CDH22: variants seen among roughly 807,000 people sequenced by gnomAD.
CDH22 encodes cadherin-22.
Under a neutral mutation model 58.4 loss-of-function variants are expected in CDH22, and 30 were observed. The observed-to-expected ratio is 0.51, with a 90% CI of 0.38 to 0.70. CDH22 has a LOEUF of 0.70. CDH22 is among the 30% of genes least tolerant of loss of function. CDH22 has a pLI of 0.00. For missense variants in CDH22, 1,014 were observed against 1,233.9 expected, an observed-to-expected ratio of 0.82 and a Z score of 2.67; for synonymous variants, 513 against 558.2, an observed-to-expected ratio of 0.92 and a Z score of 1.14.
intron 8 of CDH22, among the ~76,000 whole-genome samples, chr20:46,198,117 G>A (rs533458708): frequency 6.6e-6 from 1 of 152,242 alleles, no homozygotes; most frequent in Non-Finnish European, 1.5e-5. Flanking sequence ...TGGAGGCCAT[G>A]ACAGTGGCAG....
At chr20:46,245,293 C>G (rs887874183) in intron 2 of CDH22, among the ~76,000 whole-genome samples, 2 of 152,158 alleles carry the variant, frequency 1.3e-5, no homozygotes, top group Non-Finnish European at 2.9e-5. Context: ...CCAGGCAGCC[C>G]TCTCAGATGC....
intron 1 of CDH22, among the ~76,000 whole-genome samples, chr20:46,304,811 A>C (rs1245184118): frequency 6.6e-6 from 1 of 152,206 alleles, no homozygotes; most frequent in Non-Finnish European, 1.5e-5. Flanking sequence ...CCACCTTTGG[A>C]GTAATTAAAG....
At chr20:46,207,620 C>G (rs1435000327) in intron 7 of CDH22, among the ~76,000 whole-genome samples, 1 of 152,200 alleles carries the variant, frequency 6.6e-6, no homozygotes, top group East Asian at 1.9e-4. Context: ...CGTGGGCATT[C>G]TCGGCTTCAG....
At chr20:46,291,508 C>T (rs1404988882) in intron 1 of CDH22, among the ~76,000 whole-genome samples, 1 of 152,250 alleles carries the variant, frequency 6.6e-6, no homozygotes, top group Non-Finnish European at 1.5e-5. Flanking sequence ...CCCTGAGCGG[C>T]CCTGCTGGCT....
chr20:46,193,875 C>G (rs886978789), intron 8 of CDH22, among the ~76,000 whole-genome samples: 1 of 152,132 alleles, frequency 6.6e-6, no homozygotes, highest in African/African-American at 2.4e-5. Context: ...TCCTCTTGGC[C>G]AGGTGCTGGT....
intron 1 of CDH22, among the ~76,000 whole-genome samples, chr20:46,277,856 A>G (rs1178991610): frequency 6.6e-6 from 1 of 151,704 alleles, no homozygotes; most frequent in African/African-American, 2.4e-5. Context: ...AGACAACTTG[A>G]TAAGTTGGGC....
intron 1 of CDH22, among the ~76,000 whole-genome samples, chr20:46,303,465 C>G (rs1358454057): frequency 1.3e-5 from 2 of 152,244 alleles, no homozygotes; most frequent in Admixed American, 1.3e-4. Flanking sequence ...GGGATTCAGG[C>G]TGCTTGCTCA....
At chr20:46,234,920 G>A (rs1356753944) in intron 3 of CDH22, among the ~76,000 whole-genome samples, 1 of 152,230 alleles carries the variant, frequency 6.6e-6, no homozygotes, top group Non-Finnish European at 1.5e-5. Context: ...CCTAATATGT[G>A]TTTATTGAAT....
chr20:46,207,779 G>A (rs1444150181), intron 7 of CDH22, among the ~76,000 whole-genome samples: 2 of 152,170 alleles, frequency 1.3e-5, no homozygotes, highest in African/African-American at 2.4e-5. Context: ...TGCACAAGCT[G>A]TTCGTCTGTC....
chr20:46,208,582 T>C (rs1230253908), intron 7 of CDH22, among the ~76,000 whole-genome samples: 1 of 152,034 alleles, frequency 6.6e-6, no homozygotes, highest in East Asian at 1.9e-4. Flanking sequence ...TTTTTTAGTT[T>C]ATTTTAATTA....
intron 1 of CDH22, among the ~76,000 whole-genome samples, chr20:46,255,256 C>A (rs977090712): frequency 1.3e-5 from 2 of 152,114 alleles, no homozygotes; most frequent in Non-Finnish European, 2.9e-5. Flanking sequence ...AGGTGATCCA[C>A]CCACCTCGGC....
chr20:46,263,668 G>A (rs968092504), intron 1 of CDH22, among the ~76,000 whole-genome samples: 1 of 152,162 alleles, frequency 6.6e-6, no homozygotes. Context: ...CTGAGGCACA[G>A]GTGGCAGAAT....
Position 46,199,461 on chromosome 20 carries a change from GC to G in CDH22, c.1384del (p.Ala462ProfsTer24). The G allele has an allele frequency of 6.2e-7, 1 of 1,613,472 alleles. No individual in the cohort carries two copies. The stretch of plus-strand genomic sequence containing the variant: ...CAGCACTGTGATGTTGTGCCAGCCG[GC>G]CGTCTCGCGGTCCAGCCCCTTGCCA... The part of the protein sequence containing the change: ...VTGKGLDRET[A>X]GWHNITVLAM... On this transcript the variant is annotated frameshift_variant, in exon 8 of 12. Transcript: ENST00000537909. LOFTEE classifies it high-confidence loss of function.
At chr20:46,209,280 G>A (rs1377251009) in intron 7 of CDH22, among the ~76,000 whole-genome samples, 1 of 152,190 alleles carries the variant, frequency 6.6e-6, no homozygotes, top group Non-Finnish European at 1.5e-5. Context: ...CGAGGGATCC[G>A]CTGTAGCACA....
intron 8 of CDH22, among the ~76,000 whole-genome samples, chr20:46,189,480 A>T (rs560549792): frequency 6.7e-6 from 1 of 149,864 alleles, no homozygotes; most frequent in African/African-American, 2.5e-5. Context: ...CCTGCAGTGG[A>T]GGGTGGTGGG....
intron 10 of CDH22, among the ~76,000 whole-genome samples, chr20:46,180,295 T>G (rs912371757): frequency 1.3e-5 from 2 of 152,186 alleles, no homozygotes; most frequent in Non-Finnish European, 2.9e-5. Flanking sequence ...GCAGCTCTGG[T>G]GGCCACCTCA....
At chr20:46,237,012 T>C (rs2086258268) in intron 3 of CDH22, among the ~76,000 whole-genome samples, 1 of 152,204 alleles carries the variant, frequency 6.6e-6, no homozygotes, top group Non-Finnish European at 1.5e-5. Context: ...TTTTTAATTA[T>C]TTATTTGGAT....
At chr20:46,227,101 A>G (rs1192128468) in intron 4 of CDH22, among the ~76,000 whole-genome samples, 1 of 152,162 alleles carries the variant, frequency 6.6e-6, no homozygotes, top group Non-Finnish European at 1.5e-5. Flanking sequence ...GAGCTCTCAA[A>G]ACTGCTGAAA....
intron 10 of CDH22, among the ~76,000 whole-genome samples, chr20:46,184,533 C>T (rs1238537965): frequency 6.6e-6 from 1 of 152,222 alleles, no homozygotes; most frequent in African/African-American, 2.4e-5. Flanking sequence ...ACCCCAGCCA[C>T]TTATCATCCC....
Sources: allele counts gnomAD v4.1 joint callset (sites outside exome capture counted in the v4.1 genomes callset), GRCh38; gene constraint gnomAD v4.1.1; transcripts MANE v1.5; gene names NCBI Gene and HGNC (gene_info 2026-07-23, HGNC 2026-07-21).